Variants in NAALADL2 observed in about 807,000 individuals in gnomAD.
NAALADL2 encodes the protein N-acetylated alpha-linked acidic dipeptidase like 2.
A neutral mutation model predicts 87.2 loss-of-function variants in NAALADL2; 76 were observed. The ratio of observed to expected loss-of-function variants is 0.87; its 90% confidence interval spans 0.72 to 1.05. The LOEUF is 1.05. Ranked by LOEUF, NAALADL2 falls within the 50% of genes least tolerant of loss-of-function variation. The pLI, the probability that NAALADL2 is intolerant of heterozygous loss-of-function variation, is 0.00. For missense variants in NAALADL2, 1,089 were observed against 945.8 expected (o/e 1.15, Z -1.99); for synonymous variants, 354 against 331.0 (o/e 1.07, Z -0.75).
chr3:174,530,035 G>T (rs944110223), intron 1 of NAALADL2, among the ~76,000 whole-genome samples: 4 of 152,086 alleles, frequency 2.6e-5, no homozygotes, highest in Non-Finnish European at 5.9e-5. Flanking sequence ...CTCAGAAAGT[G>T]GGATTTTCTT....
chr3:174,557,995 A>AG (rs981110324), intron 2 of NAALADL2, among the ~76,000 whole-genome samples: 5 of 152,168 alleles, frequency 3.3e-5, no homozygotes, highest in Non-Finnish European at 7.4e-5. Context: ...TTTACTGGGG[A>AG]GTGGTCAGGG....
chr3:175,262,691 C>G (rs567248097), intron 4 of NAALADL2, among the ~76,000 whole-genome samples: 1 of 151,400 alleles, frequency 6.6e-6, no homozygotes, highest in Non-Finnish European at 1.5e-5. Flanking sequence ...GAGAAAGACA[C>G]CTTTCCTATT....
chr3:175,406,127 A>G (rs1410521135), intron 5 of NAALADL2, among the ~76,000 whole-genome samples: 3 of 152,218 alleles, frequency 2.0e-5, no homozygotes, highest in Non-Finnish European at 4.4e-5. Context: ...GATTACTACT[A>G]GGAAGAAAGT....
In NAALADL2 at chr3:175,802,134, TAC is replaced by T. The variant is rs372263442; in HGVS notation, c.2190-869_2190-868del. Among the ~76,000 whole-genome samples, 719 of 130,628 alleles carry T rather than the reference TAC, an allele frequency of 5.5e-3. 4 individuals are homozygous for T. The highest frequency in any genetic ancestry group is 0.025 in the African/African-American group (690 of 27,168). The allele number at this position is 130,628 out of a possible 152,430, so 85.7% of individuals were successfully genotyped here. ...ATAATAACATTTCATTTGCAAATAT[TAC>T]AGTGTGTATTAATTTTCTAAAGTGA... On this transcript the variant is annotated intron_variant, in intron 13 of 13. Coordinates refer to ENST00000454872, the MANE Select transcript of NAALADL2 (RefSeq NM_207015.3).
chr3:175,726,832 A>G (rs187453327), intron 11 of NAALADL2, among the ~76,000 whole-genome samples: 3 of 152,258 alleles, frequency 2.0e-5, no homozygotes, highest in Non-Finnish European at 4.4e-5. Context: ...GGCTTTCAGC[A>G]GAAGCAGAAG....
chr3:175,448,012 T>G (rs1207975250), intron 6 of NAALADL2, among the ~76,000 whole-genome samples: 2 of 152,238 alleles, frequency 1.3e-5, no homozygotes, highest in Admixed American at 6.5e-5. Context: ...TGTATCTATT[T>G]GCTAGGAACT....
At chr3:174,894,643 A>T (rs977570204) in intron 1 of NAALADL2, among the ~76,000 whole-genome samples, 21 of 128,280 alleles carry the variant, frequency 1.6e-4, no homozygotes, top group African/African-American at 5.2e-4. Flanking sequence ...AAAAAAAAAA[A>T]TCAGTGAAGA....
At chr3:174,826,997 A>G (rs1489335048) in intron 3 of NAALADL2, among the ~76,000 whole-genome samples, 1 of 152,238 alleles carries the variant, frequency 6.6e-6, no homozygotes, top group African/African-American at 2.4e-5. Context: ...AGCAGATTGA[A>G]TAAGAATCAT....
intron 11 of NAALADL2, among the ~76,000 whole-genome samples, chr3:175,657,164 C>G (rs1731586561): frequency 6.6e-6 from 1 of 152,164 alleles, no homozygotes; most frequent in South Asian, 2.1e-4. Flanking sequence ...CAGGCTGTCT[C>G]TGATTTCATC....
At chr3:174,555,296 G>A (rs1712630809) in intron 2 of NAALADL2, among the ~76,000 whole-genome samples, 1 of 152,014 alleles carries the variant, frequency 6.6e-6, no homozygotes, top group African/African-American at 2.4e-5. Context: ...CCAAAGCCAC[G>A]GGGAAATTAT....
At chr3:175,704,261 G>C (rs779909549) in intron 11 of NAALADL2, among the ~76,000 whole-genome samples, 1 of 152,226 alleles carries the variant, frequency 6.6e-6, no homozygotes, top group East Asian at 1.9e-4. Flanking sequence ...GCTGTTCGCT[G>C]TGGAAAAGAG....
chr3:174,857,275 G>T (rs1290035978), upstream of NAALADL2, among the ~76,000 whole-genome samples: 5 of 152,110 alleles, frequency 3.3e-5, no homozygotes, highest in Non-Finnish European at 7.4e-5. Flanking sequence ...GAAAATATGT[G>T]TGCACATGGC....
chr3:174,895,650 G>T (rs916963384), intron 1 of NAALADL2, among the ~76,000 whole-genome samples: 3 of 152,026 alleles, frequency 2.0e-5, no homozygotes, highest in African/African-American at 7.2e-5. Context: ...AAGAAGAGAG[G>T]AGGAGGAAAT....
At chr3:174,673,996 A>G (rs937217208) in intron 2 of NAALADL2, among the ~76,000 whole-genome samples, 2 of 152,018 alleles carry the variant, frequency 1.3e-5, no homozygotes, top group Admixed American at 1.3e-4. Flanking sequence ...CTATAAATAT[A>G]TTAATTTGGA....
intron 1 of NAALADL2, among the ~76,000 whole-genome samples, chr3:174,896,219 C>G (rs761903373): frequency 2.0e-5 from 3 of 151,950 alleles, no homozygotes; most frequent in African/African-American, 7.2e-5. Context: ...GACATCCACA[C>G]TGAAAAAGAA....
chr3:175,598,417 T>C (rs954603750), intron 10 of NAALADL2, among the ~76,000 whole-genome samples: 11 of 151,914 alleles, frequency 7.2e-5, no homozygotes, highest in African/African-American at 2.7e-4. Flanking sequence ...AAAAACAGGT[T>C]CAGGTAATTC....
intron 9 of NAALADL2, among the ~76,000 whole-genome samples, chr3:175,516,618 C>A (rs546283899): frequency 1.3e-5 from 2 of 152,174 alleles, no homozygotes; most frequent in Admixed American, 1.3e-4. Context: ...GTTTTGAATG[C>A]CAGTTAGAAG....
intron 12 of NAALADL2, among the ~76,000 whole-genome samples, chr3:175,748,196 G>T (rs138636763): frequency 6.6e-6 from 1 of 151,926 alleles, no homozygotes; most frequent in African/African-American, 2.4e-5. Context: ...TATCAATAGC[G>T]CAATCGCTCT....
At chr3:174,934,534 G>A (rs956481997) in intron 1 of NAALADL2, among the ~76,000 whole-genome samples, 5 of 151,916 alleles carry the variant, frequency 3.3e-5, no homozygotes, top group South Asian at 2.1e-4. Flanking sequence ...ACCATGTGCC[G>A]AGCGCGGTGG....
Sources: allele counts gnomAD v4.1 joint callset (sites outside exome capture counted in the v4.1 genomes callset), GRCh38; gene constraint gnomAD v4.1.1; transcripts MANE v1.5; gene names NCBI Gene and HGNC (gene_info 2026-07-23, HGNC 2026-07-21).